Variants in NCOA2 observed in about 807,000 individuals in gnomAD.
NCOA2 encodes nuclear receptor coactivator 2.
NCOA2 carries 21 observed loss-of-function variants against 145.1 expected under a neutral mutation model. The observed-to-expected ratio is 0.14, with a 90% CI of 0.10 to 0.21. The LOEUF (loss-of-function observed/expected upper bound fraction) is 0.21. Ranked by LOEUF, NCOA2 falls within the 10% of genes least tolerant of loss-of-function variation. The pLI, the probability that NCOA2 is intolerant of heterozygous loss-of-function variation, is 1.00. For synonymous variants in NCOA2, 619 were observed against 637.5 expected, an observed-to-expected ratio of 0.97 and a Z score of 0.44; for missense variants, 1,472 against 1,837.6, an observed-to-expected ratio of 0.80 and a Z score of 3.64.
chr8:70,166,638 C>G lies in NCOA2; in HGVS notation c.658G>C (p.Ala220Pro). The G allele has an allele frequency of 6.2e-7, 1 of 1,614,002 alleles. No individual in the cohort carries two copies. Among genetic ancestry groups the G allele is most frequent in the South Asian group, 1.1e-5 (1 of 91,076 alleles). The part of the protein sequence containing the change: ...SEEEGHDNQE[A>P]HQKYETMQCF... ...TGCATAGTTTCATATTTCTGATGAGCTTCCTGGTTATCATGACCCTCCTCT... is the reference window on the plus strand; with the variant it reads ...TGCATAGTTTCATATTTCTGATGAGGTTCCTGGTTATCATGACCCTCCTCT... Residue 220 changes from alanine (A) to proline (P), a missense_variant, in exon 7 of 23, where the codon GCT becomes CCT. This residue lies in a region of NCOA2 where 284 missense variants were observed against 467.8 expected (regional missense o/e 0.61). Coordinates refer to ENST00000452400, the MANE Select transcript of NCOA2 (RefSeq NM_006540.4).
intron 1 of NCOA2, among the ~76,000 whole-genome samples, chr8:70,333,550 T>A (rs1236934061): frequency 6.6e-6 from 1 of 152,180 alleles, no homozygotes; most frequent in African/African-American, 2.4e-5. Context: ...TGAATACACA[T>A]CAGCAGCAAA....
upstream of NCOA2, among the ~76,000 whole-genome samples, chr8:70,405,437 GTTTTTTT>G (rs34814735): frequency 1.9e-4 from 11 of 59,386 alleles, no homozygotes; most frequent in African/African-American, 6.0e-4. Flanking sequence ...ATTTTTAAAG[GTTTTTTT>G]TTTTTTTTTT....
intron 12 of NCOA2, among the ~76,000 whole-genome samples, chr8:70,145,602 T>C (rs1810967090): frequency 1.3e-5 from 2 of 151,368 alleles, no homozygotes; most frequent in Non-Finnish European, 2.9e-5. Context: ...ATTACAGGCC[T>C]GAGCCACTGT....
At chr8:70,246,713 C>T (rs939499022) in intron 2 of NCOA2, among the ~76,000 whole-genome samples, 3 of 152,052 alleles carry the variant, frequency 2.0e-5, no homozygotes, top group South Asian at 4.1e-4. Context: ...TTAACAACTC[C>T]TATTTCCTCC....
intron 2 of NCOA2, chr8:70,245,485 CCTG>C (rs1334471930): frequency 3.3e-5 from 5 of 152,070 alleles, no homozygotes; most frequent in Admixed American, 3.3e-4. Flanking sequence ...CTCTACCCCT[CCTG>C]CTATTAAGGG....
At chr8:70,235,101 CA>C (rs1338847324) in intron 2 of NCOA2, among the ~76,000 whole-genome samples, 17 of 152,128 alleles carry the variant, frequency 1.1e-4, no homozygotes, top group Admixed American at 6.5e-5. Context: ...TATGAATAAA[CA>C]AAAGGTGCAC....
intron 11 of NCOA2, among the ~76,000 whole-genome samples, chr8:70,152,762 T>C (rs527389776): frequency 5.3e-5 from 8 of 152,246 alleles, no homozygotes; most frequent in African/African-American, 1.9e-4. Context: ...TTGGGTATAA[T>C]AGCACCATCG....
intron 1 of NCOA2, among the ~76,000 whole-genome samples, chr8:70,309,508 T>C (rs1266786606): frequency 6.6e-6 from 1 of 152,004 alleles, no homozygotes; most frequent in African/African-American, 2.4e-5. Flanking sequence ...ACAAGGGATA[T>C]ATAAACAGGG....
intron 15 of NCOA2, 100 bp downstream of exon 15, chr8:70,138,103 C>T: frequency 2.3e-6 from 3 of 1,291,508 alleles, no homozygotes; most frequent in Non-Finnish European, 3.2e-6. Flanking sequence ...AATATAGTAC[C>T]AATAAATGAA....
chr8:70,173,025 CA>C (rs1814428720), intron 5 of NCOA2, among the ~76,000 whole-genome samples: 1 of 152,128 alleles, frequency 6.6e-6, no homozygotes. Context: ...TAAACAGGGA[CA>C]AAAATTTAAA....
chr8:70,237,098 T>C (rs1370584692), intron 2 of NCOA2, among the ~76,000 whole-genome samples: 3 of 152,244 alleles, frequency 2.0e-5, no homozygotes, highest in African/African-American at 7.2e-5. Context: ...TACAAACTGC[T>C]ATCGAGTTTG....
chr8:70,389,908 T>G (rs900427135), intron 1 of NCOA2, among the ~76,000 whole-genome samples: 5 of 151,964 alleles, frequency 3.3e-5, no homozygotes, highest in African/African-American at 1.2e-4. Context: ...TCAGGTGATC[T>G]GCCCACCTCG....
the NCOA2 span, among the ~76,000 whole-genome samples, chr8:70,432,654 C>T: frequency 6.6e-6 from 1 of 152,020 alleles, no homozygotes; most frequent in Non-Finnish European, 1.5e-5. Context: ...TACAGTGACA[C>T]CTTGTCTCAA....
intron 2 of NCOA2, among the ~76,000 whole-genome samples, chr8:70,222,598 A>AT (rs1248026685): frequency 6.6e-6 from 1 of 152,148 alleles, no homozygotes; most frequent in African/African-American, 2.4e-5. Flanking sequence ...ATACTCATGA[A>AT]TTTTTTAGCT....
At chr8:70,152,071 C>A (rs1407643229) in intron 11 of NCOA2, among the ~76,000 whole-genome samples, 1 of 152,172 alleles carries the variant, frequency 6.6e-6, no homozygotes, top group Non-Finnish European at 1.5e-5. Context: ...TTAATGCCTT[C>A]CTTTAAAATG....
At chr8:70,165,426 A>G (rs1034186507) in intron 7 of NCOA2, among the ~76,000 whole-genome samples, 1 of 152,350 alleles carries the variant, frequency 6.6e-6, no homozygotes, top group East Asian at 1.9e-4. Flanking sequence ...GATTCTGTCC[A>G]AAGTCCCAGA....
At chr8:70,171,834 T>G (rs1339606847) in intron 5 of NCOA2, among the ~76,000 whole-genome samples, 1 of 151,990 alleles carries the variant, frequency 6.6e-6, no homozygotes, top group Non-Finnish European at 1.5e-5. Context: ...AGATATTTTT[T>G]ATTTTTTGAG....
At chr8:70,364,933 G>T (rs1001792065) in intron 1 of NCOA2, among the ~76,000 whole-genome samples, 53 of 151,614 alleles carry the variant, frequency 3.5e-4, no homozygotes, top group African/African-American at 1.2e-3. Context: ...AAGTGTTTCT[G>T]CAAGTCTAGG....
At chr8:70,239,330 A>C (rs1038966711) in intron 2 of NCOA2, among the ~76,000 whole-genome samples, 1 of 152,264 alleles carries the variant, frequency 6.6e-6, no homozygotes, top group East Asian at 1.9e-4. Context: ...TATCATCTAA[A>C]TGAAAGACTA....
Sources: gnomAD v4.1 joint callset for allele counts (sites outside exome capture counted in the v4.1 genomes callset) on GRCh38, gnomAD v4.1.1 for gene constraint, gnomAD v4.1.1 regional missense constraint, MANE v1.5 for transcripts, NCBI Gene and HGNC (gene_info 2026-07-23, HGNC 2026-07-21) for gene names.